SNRNP70: variants seen among roughly 807,000 people sequenced by gnomAD.
SNRNP70 encodes the protein U1 small nuclear ribonucleoprotein 70 kDa.
SNRNP70 carries 8 observed loss-of-function variants against 50.5 expected under a neutral mutation model. The ratio of observed to expected loss-of-function variants is 0.16; its 90% CI spans 0.09 to 0.29. The LOEUF (loss-of-function observed/expected upper bound fraction) is 0.29, where lower values mean the gene tolerates loss of function less well. Ranked by LOEUF, SNRNP70 falls within the 10% of genes least tolerant of loss-of-function variation. The pLI is 1.00. For missense variants in SNRNP70, 529 were observed against 663.5 expected (o/e 0.80, Z 2.23); for synonymous variants, 320 against 252.9 (o/e 1.27, Z -2.52).
chr19:49,086,255 CG>C (rs2040377918), intron 1 of SNRNP70, 149 bp from the exon 2 acceptor site: 2 of 811,734 alleles, frequency 2.5e-6, no homozygotes, highest in East Asian at 2.9e-5. Flanking sequence ...CCCTTTTCTC[CG>C]CAACACAGGA....
intron 4 of SNRNP70, among the ~76,000 whole-genome samples, chr19:49,094,768 T>G (rs1373917289): frequency 6.6e-6 from 1 of 152,226 alleles, no homozygotes; most frequent in Non-Finnish European, 1.5e-5. Context: ...TGCTGAGCGC[T>G]TGTACTTGGT....
Position 49,108,340 on chromosome 19 carries a change from A to G in SNRNP70, c.1211A>G (p.Glu404Gly). 6.2e-7 allele frequency: 1 copy of G among 1,605,260 alleles called. No homozygotes were observed. Among genetic ancestry groups the G allele is most frequent in the Non-Finnish European group, 8.5e-7 (1 of 1,176,260 alleles). ...GGCGGTGGCCAGGACAACGGGCTGG[A>G]GGGTCTGGGCAACGACAGCCGAGAC... ...GGGGGQDNGL[E>G]GLGNDSRDMY... is the part of the protein sequence containing the mutation. The change falls in exon 10 of 10, where the codon GAG (glutamate) becomes GGG (glycine). Residue 404 changes from glutamate to glycine, a missense_variant. Glu to Gly is a moderately conservative substitution (Grantham distance 98). Around this residue, in one of 4 missense-constraint regions of SNRNP70, gnomAD observed 327 missense variants for 308.8 expected, o/e 1.06. Transcript: ENST00000598441.
chr19:49,094,394 G>T (rs2122334739), intron 4 of SNRNP70, among the ~76,000 whole-genome samples: 2 of 152,204 alleles, frequency 1.3e-5, no homozygotes, highest in East Asian at 3.9e-4. Context: ...AACTACTTGG[G>T]AGGCTGAGGC....
chr19:49,086,207 C>T (rs994195971), intron 1 of SNRNP70, among the ~76,000 whole-genome samples, 198 bp from the exon 2 acceptor site: 1 of 152,156 alleles, frequency 6.6e-6, no homozygotes, highest in African/African-American at 2.4e-5. Context: ...TTTTTGTTTT[C>T]TTTACCGGCC....
Position 49,090,273 on chromosome 19 carries a change from C to G in SNRNP70, c.148-18C>G, listed in dbSNP as rs753992912. ...CCCCCAGTCCTTCCCACCCTGTCAC[C>G]TCTCTTCTTGTTCCCAGGACCCTCG... On this transcript the variant is annotated intron_variant, in intron 2 of 9. Transcript: ENST00000598441. 1 of 1,612,506 alleles carries G rather than the reference C, an allele frequency of 6.2e-7. No homozygotes were observed. Among genetic ancestry groups the G allele is most frequent in the Non-Finnish European group, 8.5e-7 (1 of 1,179,194 alleles).
At chr19:49,088,057 A>G (rs1281742169) in intron 2 of SNRNP70, among the ~76,000 whole-genome samples, 2 of 151,518 alleles carry the variant, frequency 1.3e-5, no homozygotes, top group Non-Finnish European at 2.9e-5. Flanking sequence ...ACGCCTGGCT[A>G]ATTTTGTATT....
chr19:49,089,063 A>G (rs76155399), intron 2 of SNRNP70, among the ~76,000 whole-genome samples: 3,511 of 152,352 alleles, frequency 0.023, 65 homozygotes, highest in Middle Eastern at 0.041. Context: ...CCTAAATACT[A>G]TAAAGCTAGA....
At position 49,107,321 on chromosome 19, in the gene SNRNP70, G is replaced by A. The variant is rs1294825699; in HGVS notation, c.578-304G>A. ...TTCGGGTTTCTGTGAGGGCGAGGATGATTGGAAGGGAGGGTTTTGAGGAGG... is the reference window on the plus strand; with the variant it reads ...TTCGGGTTTCTGTGAGGGCGAGGATAATTGGAAGGGAGGGTTTTGAGGAGG... On this transcript the variant is annotated intron_variant, in intron 8 of 9. Coordinates refer to ENST00000598441, the MANE Select transcript of SNRNP70 (RefSeq NM_003089.6). The surrounding 1 kb of genome is among the most constrained non-coding windows in gnomAD (Gnocchi z 6.0). Among the ~76,000 whole-genome samples, 1 of 152,232 alleles carries A rather than the reference G, an allele frequency of 6.6e-6. No homozygotes were observed. Among genetic ancestry groups the A allele is most frequent in the African/African-American group, 2.4e-5 (1 of 41,462 alleles).
At chr19:49,091,372 TAA>T (rs112471768) in intron 4 of SNRNP70, among the ~76,000 whole-genome samples, 1 of 144,216 alleles carries the variant, frequency 6.9e-6, no homozygotes, top group African/African-American at 2.5e-5. Flanking sequence ...AAATCTGTCT[TAA>T]AAAAAAAAAA....
chr19:49,088,920 C>T (rs1362406058), intron 2 of SNRNP70, among the ~76,000 whole-genome samples: 6 of 152,162 alleles, frequency 3.9e-5, no homozygotes, highest in African/African-American at 7.2e-5. Context: ...CCTGGTCATC[C>T]TCACTGGCAC....
intron 6 of SNRNP70, 92 bp from the exon 7 acceptor site, chr19:49,101,298 C>T (rs994368299): frequency 3.9e-5 from 35 of 907,606 alleles, no homozygotes; most frequent in East Asian, 5.0e-5. Context: ...AGGCCTCATC[C>T]GGCCCAGGGC....
intron 4 of SNRNP70, among the ~76,000 whole-genome samples, chr19:49,091,609 T>G (rs907148092): frequency 6.6e-6 from 1 of 152,092 alleles, no homozygotes; most frequent in East Asian, 1.9e-4. Flanking sequence ...ACGACGCACT[T>G]CTCAGAACAT....
chr19:49,085,692 C>T (rs1241419174), intron 1 of SNRNP70, 56 bp downstream of exon 1: 8 of 454,226 alleles, frequency 1.8e-5, no homozygotes, highest in Admixed American at 9.4e-5. Flanking sequence ...CCCAGAAGCC[C>T]CAGCGGTGGG....
rs997762873 is a variant in SNRNP70, at chr19:49,108,146, C to T, written c.1017C>T (p.Gly339=). ...DGPPGELGPD[G]PDGPEEKGRD... ...CTCCAGGGGAGCTCGGGCCTGACGG[C>T]CCTGACGGTCCAGAGGAAAAGGGCC... Residue 339 remains glycine, a synonymous_variant, in exon 10 of 10, where the codon GGC becomes GGT. Transcript: ENST00000598441. 3.2e-6 allele frequency: 5 copies of T among 1,542,902 alleles called. No individual in the cohort carries two copies. In the Middle Eastern group the frequency reaches 5.1e-4, roughly 158 times the overall value.
intron 6 of SNRNP70, among the ~76,000 whole-genome samples, chr19:49,100,536 G>A (rs950116045): frequency 7.6e-4 from 116 of 152,274 alleles, no homozygotes; most frequent in African/African-American, 2.6e-3. Flanking sequence ...GCCAGGCACA[G>A]TGGCTCACGC....
At chr19:49,106,235 G>A (rs1043704369) in intron 8 of SNRNP70, among the ~76,000 whole-genome samples, 1 of 152,142 alleles carries the variant, frequency 6.6e-6, no homozygotes, top group African/African-American at 2.4e-5. Context: ...TGTTGGGGCG[G>A]GAAAATGCTA....
In SNRNP70 at chr19:49,093,696, A is replaced by AC. The variant is rs940507203; in HGVS notation, c.265+3176_265+3177insC. Reference sequence around the variant, plus strand: ...TCCATCTCAAAAAAAAAAAAAACAAAAAAAAAAACAGTTCCAGGCCAGGCA... The same window carrying AC: ...TCCATCTCAAAAAAAAAAAAAACAAACAAAAAAAACAGTTCCAGGCCAGGCA... On this transcript the variant is annotated intron_variant, in intron 4 of 9. Coordinates refer to ENST00000598441, the MANE Select transcript of SNRNP70 (RefSeq NM_003089.6). Among the ~76,000 whole-genome samples, 17 of 148,702 alleles carry AC rather than the reference A, an allele frequency of 1.1e-4. No homozygotes were observed. In the East Asian group the frequency reaches 1.6e-3, roughly 14 times the overall value.
intron 4 of SNRNP70, among the ~76,000 whole-genome samples, chr19:49,097,281 C>G (rs187225118): frequency 1.3e-5 from 2 of 152,162 alleles, no homozygotes; most frequent in Non-Finnish European, 2.9e-5. Context: ...CCCTTCGCCA[C>G]TTTAACACCT....
chr19:49,095,552 T>C (rs1340745770), intron 4 of SNRNP70, among the ~76,000 whole-genome samples: 3 of 151,844 alleles, frequency 2.0e-5, no homozygotes, highest in Non-Finnish European at 4.4e-5. Context: ...TTTTTTTTTT[T>C]TGGAGACAGT....
Sources: allele counts gnomAD v4.1 joint callset (sites outside exome capture counted in the v4.1 genomes callset), GRCh38; gene constraint gnomAD v4.1.1; regional missense constraint gnomAD v4.1.1; non-coding constraint Gnocchi (gnomAD v3.1); transcripts MANE v1.5; gene names NCBI Gene and HGNC (gene_info 2026-07-23, HGNC 2026-07-21).